TCF20: variants seen among roughly 807,000 people sequenced by gnomAD.
TCF20 encodes transcription factor 20, also known as SPRE-binding protein.
Under a neutral mutation model 148.6 loss-of-function variants are expected in TCF20, and 3 were observed. The observed-to-expected ratio is 0.02, with a 90% CI of 0.01 to 0.05. The LOEUF is 0.05. Among genes scored for constraint, TCF20 ranks in the 10% least tolerant of loss-of-function variants. The pLI is 1.00. For missense variants in TCF20, 2,350 were observed against 2,429.3 expected (o/e 0.97, Z 0.69); for synonymous variants, 1,049 against 909.5 (o/e 1.15, Z -2.76).
rs1456727825 is a variant in TCF20, at chr22:42,323,965, G to A, written c.-37+19514C>T. On this transcript the variant is annotated intron_variant, in intron 1 of 1. Coordinates refer to the TCF20 transcript ENST00000515426. ...GGTGATGGAGGTTATGGTGGTGGTG[G>A]TGATGGTGGTGGTGGAGGTTATGGT... 4.8e-5 allele frequency among the ~76,000 whole-genome samples: 2 copies of A among 41,892 alleles called. 1 individual carries two copies. The highest frequency in any genetic ancestry group is 9.1e-5 in the Non-Finnish European group (2 of 21,880). 27.5% of individuals were successfully genotyped at this position (41,892 alleles called of 152,430 possible).
At chr22:42,236,225 G>GA (rs1439807749) in intron 1 of TCF20, among the ~76,000 whole-genome samples, 1 of 151,584 alleles carries the variant, frequency 6.6e-6, no homozygotes, top group East Asian at 1.9e-4. Flanking sequence ...AGACAACAAG[G>GA]AAAAAAATGG....
chr22:42,184,917 C>T lies in TCF20; in HGVS notation c.5656-5215G>A, dbSNP rs563505626. On this transcript the variant is annotated intron_variant, in intron 2 of 5. Transcript: ENST00000677622. ...AGTGGCCCAGATACAGAGCTTGAAC[C>T]TTTCACCAGACTTTGTCACTGTCTC... 3.4e-3 allele frequency among the ~76,000 whole-genome samples: 522 copies of T among 152,332 alleles called. 1 individual carries two copies. The highest frequency in any genetic ancestry group is 0.027 in the Middle Eastern group (8 of 294).
At chr22:42,313,624 G>A (rs1927576449) in intron 1 of TCF20, among the ~76,000 whole-genome samples, 1 of 122,802 alleles carries the variant, frequency 8.1e-6, no homozygotes, top group Admixed American at 9.8e-5. Context: ...TTTTGAGACA[G>A]AGTCTCGCTT....
At position 42,213,899 on chromosome 22, in the gene TCF20, A is replaced by G. The variant is rs139918516; in HGVS notation, c.1407T>C (p.Thr469=). The G allele has an allele frequency of 4.3e-6, 7 of 1,614,172 alleles. No individual in the cohort carries two copies. The highest frequency in any genetic ancestry group is 5.9e-6 in the Non-Finnish European group (7 of 1,180,020). Residue 469 remains threonine, a synonymous_variant, in exon 2 of 6, where the codon ACT becomes ACC. Transcript: ENST00000677622. ...LSTQVANLPN[T]VQHMLLSDAL... is the part of the protein sequence containing the mutation. ...CATCAGAAAGTAACATGTGCTGGACAGTGTTAGGAAGATTGGCCACTTGAG... is the reference window on the plus strand; with the variant it reads ...CATCAGAAAGTAACATGTGCTGGACGGTGTTAGGAAGATTGGCCACTTGAG...
upstream of TCF20, among the ~76,000 whole-genome samples, chr22:42,272,094 C>A (rs1308163673): frequency 2.0e-5 from 3 of 152,226 alleles, no homozygotes; most frequent in Non-Finnish European, 4.4e-5. Flanking sequence ...CAGGTCAGGA[C>A]TATTCCTGGG....
At chr22:42,254,570 C>T (rs1040227735) in intron 1 of TCF20, among the ~76,000 whole-genome samples, 3 of 152,200 alleles carry the variant, frequency 2.0e-5, no homozygotes, top group African/African-American at 2.4e-5. Context: ...GTCCTCCATT[C>T]ACCTGCCCTA....
In TCF20 at chr22:42,232,013, CA is replaced by C. The variant is rs542105172; in HGVS notation, c.-36-16673del. On this transcript the variant is annotated intron_variant, in intron 1 of 5. Transcript: ENST00000677622. ...TTTAAAAAATAAATTTAGTGTAGTC[CA>C]AATGTACAGTGTTTATACATCTACA... Among the ~76,000 whole-genome samples the C allele has an allele frequency of 1.7e-3, 251 of 151,928 alleles. 1 individual carries two copies. The highest frequency in any genetic ancestry group is 4.8e-3 in the African/African-American group (200 of 41,406).
chr22:42,265,591 CT>C (rs763170056), intron 1 of TCF20, among the ~76,000 whole-genome samples: 20 of 152,168 alleles, frequency 1.3e-4, no homozygotes, highest in Non-Finnish European at 2.1e-4. Context: ...TATCTTGTTA[CT>C]TTTTTACCTC....
chr22:42,198,118 T>C (rs1456981173), intron 2 of TCF20, among the ~76,000 whole-genome samples: 1 of 152,184 alleles, frequency 6.6e-6, no homozygotes, highest in Non-Finnish European at 1.5e-5. Flanking sequence ...GGTACTTGAA[T>C]AAATTACATT....
chr22:42,330,994 C>G (rs1322285598), intron 1 of TCF20, among the ~76,000 whole-genome samples: 1 of 152,192 alleles, frequency 6.6e-6, no homozygotes. Context: ...CCGCCACCCC[C>G]TGCCCCTGGT....
In TCF20 at chr22:42,214,564, G is replaced by A. The variant is rs545995788; in HGVS notation, c.742C>T (p.Pro248Ser). Reference protein sequence around the residue: ...SASSSSSSSFPSPQRFSQSGQ... With the variant: ...SASSSSSSSFSSPQRFSQSGQ... ...GACTGGCTAAAACGCTGTGGTGAAG[G>A]GAAGGAGGAGGAGGAGGAGGAGGAA... The change falls in exon 2 of 6, where the codon CCT becomes TCT. Residue 248 changes from proline to serine, a missense_variant. Physicochemically the swap from Pro to Ser is moderately conservative, Grantham distance 74. Transcript: ENST00000677622. The A allele has an allele frequency of 7.4e-6, 12 of 1,614,098 alleles. No homozygotes were observed. The highest frequency in any genetic ancestry group is 1.3e-5 in the African/African-American group (1 of 75,044).
intron 1 of TCF20, among the ~76,000 whole-genome samples, chr22:42,232,554 G>C (rs1923518511): frequency 6.6e-6 from 1 of 152,120 alleles, no homozygotes; most frequent in Admixed American, 6.5e-5. Flanking sequence ...TCGGCCGGGC[G>C]CAGTGGCTCA....
At chr22:42,237,099 T>C (rs1282184461) in intron 1 of TCF20, among the ~76,000 whole-genome samples, 1 of 152,026 alleles carries the variant, frequency 6.6e-6, no homozygotes, top group African/African-American at 2.4e-5. Context: ...CTTCCTTTTC[T>C]AAGAGATTTT....
chr22:42,315,984 G>A (rs751547593), intron 1 of TCF20, among the ~76,000 whole-genome samples: 11 of 151,772 alleles, frequency 7.2e-5, no homozygotes, highest in African/African-American at 2.7e-4. Flanking sequence ...GCGTGGTGGT[G>A]CATGCCTGTA....
At chr22:42,186,180 G>A (rs998283922) in intron 2 of TCF20, among the ~76,000 whole-genome samples, 1 of 152,204 alleles carries the variant, frequency 6.6e-6, no homozygotes, top group African/African-American at 2.4e-5. Flanking sequence ...TAGCTTTTTA[G>A]AATAAATGTG....
chr22:42,294,390 T>G (rs930517113), intron 1 of TCF20, among the ~76,000 whole-genome samples: 1 of 152,186 alleles, frequency 6.6e-6, no homozygotes, highest in Admixed American at 6.5e-5. Context: ...TGAAGGTTTT[T>G]AATTACCAGA....
At chr22:42,202,786 G>A (rs907871064) in intron 2 of TCF20, among the ~76,000 whole-genome samples, 4 of 152,140 alleles carry the variant, frequency 2.6e-5, no homozygotes, top group African/African-American at 9.7e-5. Flanking sequence ...ACCTGTGTGC[G>A]GCAAGGCATT....
At chr22:42,302,095 A>C (rs770683260) in intron 1 of TCF20, among the ~76,000 whole-genome samples, 8 of 152,194 alleles carry the variant, frequency 5.3e-5, no homozygotes, top group Non-Finnish European at 1.0e-4. Flanking sequence ...AGGGACAGCT[A>C]ATGGGACAGG....
At chr22:42,255,259 G>A (rs1356057024) in intron 1 of TCF20, among the ~76,000 whole-genome samples, 1 of 152,084 alleles carries the variant, frequency 6.6e-6, no homozygotes, top group Non-Finnish European at 1.5e-5. Flanking sequence ...GGCCAAGGCG[G>A]GCGGATCACG....
Sources: gnomAD v4.1 joint callset for allele counts (sites outside exome capture counted in the v4.1 genomes callset) on GRCh38, gnomAD v4.1.1 for gene constraint, MANE v1.5 for transcripts, NCBI Gene and HGNC (gene_info 2026-07-23, HGNC 2026-07-21) for gene names.